Variants in PPP1R9A observed in about 807,000 individuals in gnomAD.
PPP1R9A encodes the protein neurabin-1.
A neutral mutation model predicts 141.9 loss-of-function variants in PPP1R9A; 59 were observed. The observed-to-expected ratio is 0.42, with a 90% CI of 0.34 to 0.52. The LOEUF (loss-of-function observed/expected upper bound fraction) is 0.52, where lower values mean the gene tolerates loss of function less well. Among genes scored for constraint, PPP1R9A ranks in the 20% least tolerant of loss-of-function variants. PPP1R9A has a pLI of 0.10. For missense variants in PPP1R9A, 1,444 were observed against 1,611.9 expected (o/e 0.90, Z 1.78); for synonymous variants, 500 against 569.7 (o/e 0.88, Z 1.74).
intron 2 of PPP1R9A, among the ~76,000 whole-genome samples, chr7:95,023,886 C>T (rs1055900643): frequency 2.0e-5 from 3 of 152,070 alleles, no homozygotes; most frequent in Non-Finnish European, 4.4e-5. Context: ...GTTAGGGTGT[C>T]GATTTTAGAT....
intron 5 of PPP1R9A, among the ~76,000 whole-genome samples, chr7:95,187,979 C>A (rs1834892031): frequency 6.6e-6 from 1 of 151,996 alleles, no homozygotes; most frequent in South Asian, 2.1e-4. Context: ...GTATACTCTG[C>A]AGTTGTTGGG....
At chr7:95,044,262 C>G (rs1008627645) in intron 2 of PPP1R9A, among the ~76,000 whole-genome samples, 2 of 152,194 alleles carry the variant, frequency 1.3e-5, no homozygotes, top group Non-Finnish European at 2.9e-5. Context: ...GAATGAGCCA[C>G]CTGAAGGGAC....
At chr7:95,184,169 A>G (rs1482142636) in intron 5 of PPP1R9A, among the ~76,000 whole-genome samples, 1 of 152,176 alleles carries the variant, frequency 6.6e-6, no homozygotes. Context: ...CATCGAAATC[A>G]AGTTAAATAT....
intron 2 of PPP1R9A, among the ~76,000 whole-genome samples, chr7:94,971,012 A>G (rs1291325598): frequency 6.6e-6 from 1 of 152,118 alleles, no homozygotes; most frequent in East Asian, 1.9e-4. Flanking sequence ...ACATTTGTCA[A>G]GTGTCTACTC....
Position 95,203,824 on chromosome 7 carries a change from T to A in PPP1R9A, c.1956+94T>A, listed in dbSNP as rs1020971351. On this transcript the variant is annotated intron_variant, in intron 7 of 19. Coordinates refer to ENST00000433360, the MANE Select transcript of PPP1R9A (RefSeq NM_001166160.2). ...TTGTGTCTTATTAACTATCTGTATG[T>A]TCTGAAGAACTTCTCTAGAGTGATG... 23 of 942,132 alleles carry A rather than the reference T, an allele frequency of 2.4e-5. No homozygotes were observed. In the Admixed American group the frequency reaches 5.5e-4, roughly 23 times the overall value. 58.4% of individuals were successfully genotyped at this position (942,132 alleles called of 1,614,324 possible).
At chr7:95,120,536 CTCAT>C (rs1822376535) in intron 3 of PPP1R9A, among the ~76,000 whole-genome samples, 172 bp from the exon 4 acceptor site, 1 of 152,186 alleles carries the variant, frequency 6.6e-6, no homozygotes, top group African/African-American at 2.4e-5. Context: ...TTTGGAGGAT[CTCAT>C]TAGATACCCT....
At position 95,292,621 on chromosome 7, in the gene PPP1R9A, CAAT is replaced by C. The variant is rs1402392451; in HGVS notation, c.*2319_*2321del. On this transcript the variant is annotated 3_prime_UTR_variant, in exon 20 of 20. Coordinates refer to ENST00000433360, the MANE Select transcript of PPP1R9A (RefSeq NM_001166160.2). ...AATGTTTAGATAAATGTCCAACTGA[CAAT>C]GTTATAAATCAAATTCTTATTCCTA... is the stretch of plus-strand genomic sequence containing the variant. 17 of 152,078 alleles carry C rather than the reference CAAT, an allele frequency of 1.1e-4. No individual in the cohort carries two copies. The highest frequency in any genetic ancestry group is 4.1e-4 in the African/African-American group (17 of 41,396). 9.4% of individuals were successfully genotyped at this position (152,078 alleles called of 1,614,324 possible).
chr7:95,149,285 CATT>C (rs1410902373), intron 4 of PPP1R9A, among the ~76,000 whole-genome samples: 1 of 151,866 alleles, frequency 6.6e-6, no homozygotes, highest in Non-Finnish European at 1.5e-5. Context: ...CTAGAGCTAA[CATT>C]ATATTTAATA....
At chr7:95,141,543 G>A (rs73429100) in intron 4 of PPP1R9A, among the ~76,000 whole-genome samples, 1,749 of 151,768 alleles carry the variant, frequency 0.012, 30 homozygotes, top group African/African-American at 0.041. Context: ...TCCCTTCTCT[G>A]CCATAGGCAC....
At chr7:95,027,866 A>G (rs1807109651) in intron 2 of PPP1R9A, among the ~76,000 whole-genome samples, 1 of 152,106 alleles carries the variant, frequency 6.6e-6, no homozygotes, top group Non-Finnish European at 1.5e-5. Context: ...GACCACCCTC[A>G]TTTTTGTGGT....
intron 2 of PPP1R9A, among the ~76,000 whole-genome samples, chr7:95,034,730 TG>T (rs1808209067): frequency 6.6e-6 from 1 of 152,256 alleles, no homozygotes. Context: ...ACCAATTATT[TG>T]TACATTTGTA....
At position 95,190,950 on chromosome 7, in the gene PPP1R9A, T is replaced by C. The variant is rs114625028; in HGVS notation, c.1755-7399T>C. Among the ~76,000 whole-genome samples the C allele has an allele frequency of 8.1e-3, 1,227 of 152,328 alleles. 11 individuals are homozygous for C. Among genetic ancestry groups the C allele is most frequent in the African/African-American group, 0.028 (1,179 of 41,578 alleles). On this transcript the variant is annotated intron_variant, in intron 5 of 19. Transcript: ENST00000433360. ...CATTGAGAGTTTTTAAATTTCAGCA[T>C]TGAATAAGTGCCATTTTTGACTAGT... is the stretch of plus-strand genomic sequence containing the variant.
intron 7 of PPP1R9A, among the ~76,000 whole-genome samples, chr7:95,209,655 G>A (rs894197114): frequency 2.0e-5 from 3 of 152,158 alleles, no homozygotes; most frequent in African/African-American, 7.2e-5. Flanking sequence ...CATAATCCAT[G>A]TAATACCACC....
chr7:95,213,437 C>G (rs979868196), intron 7 of PPP1R9A, among the ~76,000 whole-genome samples: 1 of 150,704 alleles, frequency 6.6e-6, no homozygotes, highest in African/African-American at 2.4e-5. Flanking sequence ...TCTCATGCCT[C>G]AGCCTCCCAA....
intron 2 of PPP1R9A, among the ~76,000 whole-genome samples, chr7:95,040,003 T>C (rs1228031376): frequency 6.6e-6 from 1 of 151,852 alleles, no homozygotes; most frequent in Admixed American, 6.6e-5. Flanking sequence ...CTGCCAAAAA[T>C]CAAAGACGGA....
rs149773468 is a variant in PPP1R9A, at chr7:94,997,885, T to C, written c.1395+86377T>C. Among the ~76,000 whole-genome samples, 538 of 152,262 alleles carry C rather than the reference T, an allele frequency of 3.5e-3. 3 individuals are homozygous for C. Among genetic ancestry groups the C allele is most frequent in the African/African-American group, 0.012 (505 of 41,546 alleles). On this transcript the variant is annotated intron_variant, in intron 2 of 19. Coordinates refer to ENST00000433360, the MANE Select transcript of PPP1R9A (RefSeq NM_001166160.2). Reference sequence around the variant, plus strand: ...TTGGGATTCCTAGCCTGCACTGTTATGGAAAGGGTCTTATGGAAAAGGGAT... The same window carrying C: ...TTGGGATTCCTAGCCTGCACTGTTACGGAAAGGGTCTTATGGAAAAGGGAT...
At chr7:95,173,573 C>T (rs1312062637) in intron 5 of PPP1R9A, among the ~76,000 whole-genome samples, 1 of 151,630 alleles carries the variant, frequency 6.6e-6, no homozygotes, top group African/African-American at 2.4e-5. Flanking sequence ...AAAAACAAGC[C>T]ACTTAAGAAA....
chr7:95,001,260 G>C (rs1008826862), intron 2 of PPP1R9A, among the ~76,000 whole-genome samples: 5 of 152,084 alleles, frequency 3.3e-5, no homozygotes, highest in Non-Finnish European at 5.9e-5. Context: ...TCTTTATATA[G>C]CTATTCAGTT....
chr7:95,204,250 C>T (rs1790208815), intron 7 of PPP1R9A, among the ~76,000 whole-genome samples: 1 of 151,974 alleles, frequency 6.6e-6, no homozygotes, highest in Non-Finnish European at 1.5e-5. Flanking sequence ...TAAAATGATA[C>T]TATACTTTAA....
Sources: gnomAD v4.1 joint callset for allele counts (sites outside exome capture counted in the v4.1 genomes callset) on GRCh38, gnomAD v4.1.1 for gene constraint, MANE v1.5 for transcripts, NCBI Gene and HGNC (gene_info 2026-07-23, HGNC 2026-07-21) for gene names.